ROBO1: variants seen among roughly 807,000 people sequenced by gnomAD.
ROBO1 encodes roundabout homolog 1.
Under a neutral mutation model 195.9 loss-of-function variants are expected in ROBO1, and 149 were observed. The ratio of observed to expected loss-of-function variants is 0.76; its 90% CI spans 0.67 to 0.87. The LOEUF (loss-of-function observed/expected upper bound fraction) is 0.87, where lower values mean the gene tolerates loss of function less well. ROBO1 is among the 40% of genes least tolerant of loss of function. The probability of loss-of-function intolerance (pLI) is 0.00; values close to 1 mark genes in which losing one functional copy is unlikely to be tolerated. For missense variants in ROBO1, 1,933 were observed against 2,068.3 expected (o/e 0.93, Z 1.27); for synonymous variants, 816 against 733.2 (o/e 1.11, Z -1.82).
intron 3 of ROBO1, among the ~76,000 whole-genome samples, chr3:79,004,573 G>T (rs2077578458): frequency 1.3e-5 from 2 of 152,046 alleles, no homozygotes; most frequent in Admixed American, 1.3e-4. Flanking sequence ...TAGGTGAATG[G>T]GACAGCTAAG....
intron 3 of ROBO1, among the ~76,000 whole-genome samples, chr3:79,005,688 T>C (rs1043367107): frequency 6.6e-6 from 1 of 152,308 alleles, no homozygotes. Context: ...AAATGCTAGA[T>C]ATGCTCTTGA....
intron 2 of ROBO1, among the ~76,000 whole-genome samples, chr3:79,485,208 G>T (rs1939094837): frequency 6.6e-6 from 1 of 152,052 alleles, no homozygotes; most frequent in African/African-American, 2.4e-5. Context: ...GTATGCATGA[G>T]TGCTTTGGAT....
At chr3:79,550,711 C>A (rs889309404) in intron 2 of ROBO1, among the ~76,000 whole-genome samples, 6 of 152,272 alleles carry the variant, frequency 3.9e-5, no homozygotes, top group Admixed American at 6.5e-5. Flanking sequence ...TTAAAACAGT[C>A]ACCTTTGGAA....
intron 4 of ROBO1, among the ~76,000 whole-genome samples, chr3:78,909,200 G>A (rs2038100148): frequency 6.6e-6 from 1 of 151,572 alleles, no homozygotes; most frequent in Non-Finnish European, 1.5e-5. Context: ...TCAAACTCCA[G>A]TTGGCCTACA....
chr3:79,265,396 A>T (rs963257882), intron 2 of ROBO1, among the ~76,000 whole-genome samples: 9 of 151,636 alleles, frequency 5.9e-5, no homozygotes, highest in Non-Finnish European at 1.2e-4. Context: ...AACAAATTAT[A>T]TTTGGGAATT....
chr3:79,642,411 C>T (rs1323264835), intron 1 of ROBO1, among the ~76,000 whole-genome samples: 3 of 151,978 alleles, frequency 2.0e-5, no homozygotes, highest in African/African-American at 7.2e-5. Flanking sequence ...GATAAATATC[C>T]AGTTCCAGGA....
intron 1 of ROBO1, among the ~76,000 whole-genome samples, chr3:79,660,242 C>A (rs1488033594): frequency 6.6e-6 from 1 of 151,754 alleles, no homozygotes; most frequent in Non-Finnish European, 1.5e-5. Flanking sequence ...AACTTGCAAG[C>A]CTAAGAGAGC....
intron 4 of ROBO1, among the ~76,000 whole-genome samples, chr3:78,889,591 C>T (rs1379918717): frequency 6.6e-6 from 1 of 152,014 alleles, no homozygotes; most frequent in Non-Finnish European, 1.5e-5. Flanking sequence ...ACAGAGACTG[C>T]CATGTGTATT....
intron 3 of ROBO1, among the ~76,000 whole-genome samples, chr3:79,033,955 T>C (rs1414848229): frequency 6.6e-6 from 1 of 152,110 alleles, no homozygotes; most frequent in Non-Finnish European, 1.5e-5. Flanking sequence ...AGGAGCATAA[T>C]TTTTCACTAT....
At chr3:78,922,079 T>C (rs917976999) in intron 4 of ROBO1, among the ~76,000 whole-genome samples, 3 of 152,116 alleles carry the variant, frequency 2.0e-5, no homozygotes, top group Admixed American at 2.0e-4. Context: ...GCTCTAACCA[T>C]CTAAGAAATC....
At chr3:79,661,923 TTC>T (rs1468831983) in intron 1 of ROBO1, among the ~76,000 whole-genome samples, 4 of 152,080 alleles carry the variant, frequency 2.6e-5, no homozygotes, top group East Asian at 1.9e-4. Context: ...TGTTTATATT[TTC>T]TCTTTTTTTT....
intron 4 of ROBO1, among the ~76,000 whole-genome samples, chr3:78,856,712 C>T (rs1030486679): frequency 1.3e-5 from 2 of 150,828 alleles, no homozygotes; most frequent in African/African-American, 2.4e-5. Context: ...ATGTTTAGTA[C>T]ATAATGAAAG....
chr3:79,683,627 G>A (rs1947013818), intron 1 of ROBO1, among the ~76,000 whole-genome samples: 1 of 151,958 alleles, frequency 6.6e-6, no homozygotes, highest in Admixed American at 6.6e-5. Flanking sequence ...TCCAGCTCCT[G>A]GCAATCACTA....
chr3:79,619,154 C>A lies in ROBO1; in HGVS notation c.-50-29193G>T, dbSNP rs138845220. On this transcript the variant is annotated intron_variant, in intron 1 of 30. Transcript: ENST00000464233. ...CCACATTCCATTGGTGTCTGGTCAC[C>A]GCAGGGATGCCTGCCTTGGTCATTC... Among the ~76,000 whole-genome samples, 6 of 152,032 alleles carry A rather than the reference C, an allele frequency of 3.9e-5. No individual in the cohort carries two copies. In the South Asian group the frequency reaches 1.2e-3, roughly 31 times the overall value.
intron 2 of ROBO1, among the ~76,000 whole-genome samples, chr3:79,464,215 T>A (rs1937819594): frequency 6.6e-6 from 1 of 152,236 alleles, no homozygotes; most frequent in Non-Finnish European, 1.5e-5. Flanking sequence ...TATGAATAAT[T>A]CTGTTATAAA....
chr3:78,684,524 A>T (rs2081006929), intron 10 of ROBO1, among the ~76,000 whole-genome samples: 1 of 152,102 alleles, frequency 6.6e-6, no homozygotes, highest in African/African-American at 2.4e-5. Flanking sequence ...ATTATACTTC[A>T]GTTTACGTAA....
intron 1 of ROBO1, among the ~76,000 whole-genome samples, chr3:79,610,476 T>G (rs73849645): frequency 0.011 from 1,742 of 152,098 alleles, 30 homozygotes; most frequent in African/African-American, 0.04. Flanking sequence ...GTTTTTCCTG[T>G]GATAATAAAA....
At chr3:78,928,755 G>C (rs547594116) in intron 4 of ROBO1, among the ~76,000 whole-genome samples, 2 of 152,234 alleles carry the variant, frequency 1.3e-5, no homozygotes, top group African/African-American at 4.8e-5. Flanking sequence ...ACTTCCATTT[G>C]AGAACACTCT....
intron 4 of ROBO1, among the ~76,000 whole-genome samples, chr3:78,795,314 A>G (rs2084150754): frequency 6.6e-6 from 1 of 152,226 alleles, no homozygotes; most frequent in African/African-American, 2.4e-5. Context: ...GAGATAATGG[A>G]TTCTTGCTTA....
Sources: gnomAD v4.1 joint callset for allele counts (sites outside exome capture counted in the v4.1 genomes callset) on GRCh38, gnomAD v4.1.1 for gene constraint, MANE v1.5 for transcripts, NCBI Gene and HGNC (gene_info 2026-07-23, HGNC 2026-07-21) for gene names.